The following EVA1A variants were observed in gnomAD, a reference collection of about 807,000 sequenced individuals.
EVA1A encodes the protein protein eva-1 homolog A.
Under a neutral mutation model 9.8 loss-of-function variants are expected in EVA1A, and 7 were observed. The observed-to-expected ratio is 0.71, with a 90% CI of 0.41 to 1.34. The LOEUF is 1.34. Among genes scored for constraint, EVA1A ranks in the 40% most tolerant of loss-of-function variants. The pLI is 0.01. For missense variants in EVA1A, 206 were observed against 205.9 expected, an observed-to-expected ratio of 1.00 and a Z score of 0.00; for synonymous variants, 90 against 85.6, an observed-to-expected ratio of 1.05 and a Z score of -0.28.
At chr2:75,546,907 C>CAAAA (rs751386318) in intron 1 of EVA1A, among the ~76,000 whole-genome samples, 183 of 66,748 alleles carry the variant, frequency 2.7e-3, no homozygotes, top group Non-Finnish European at 4.1e-3. Flanking sequence ...ATCAATAGGC[C>CAAAA]AAAAAAAAAA....
intron 2 of EVA1A, chr2:75,518,659 T>G (rs1675105452): frequency 1.0e-6 from 1 of 987,710 alleles, no homozygotes. Flanking sequence ...GAACTCTTTA[T>G]TTGATTCTCC....
intron 1 of EVA1A, among the ~76,000 whole-genome samples, chr2:75,557,237 G>A (rs768802198): frequency 1.1e-4 from 17 of 152,220 alleles, no homozygotes; most frequent in Non-Finnish European, 1.9e-4. Flanking sequence ...CCAGCGACTA[G>A]CAAGTGGGCT....
At chr2:75,556,683 A>G (rs1317460701) in intron 1 of EVA1A, among the ~76,000 whole-genome samples, 1 of 152,212 alleles carries the variant, frequency 6.6e-6, no homozygotes. Context: ...TTTTGGTTCC[A>G]GGGACCAGTT....
chr2:75,557,091 T>C (rs1440216122), intron 1 of EVA1A, among the ~76,000 whole-genome samples: 2 of 152,176 alleles, frequency 1.3e-5, no homozygotes, highest in African/African-American at 2.4e-5. Flanking sequence ...CTCACCCCAC[T>C]GAAGTTTTGG....
At chr2:75,508,529 T>C (rs1167185835) in intron 3 of EVA1A, among the ~76,000 whole-genome samples, 1 of 152,160 alleles carries the variant, frequency 6.6e-6, no homozygotes, top group African/African-American at 2.4e-5. Context: ...CCCTGTCTCC[T>C]GATAAGATGT....
upstream of EVA1A, among the ~76,000 whole-genome samples, chr2:75,562,980 C>T (rs551767446): frequency 6.9e-4 from 105 of 152,318 alleles, no homozygotes; most frequent in Non-Finnish European, 1.3e-3. Flanking sequence ...CTTGAGCCTA[C>T]TTATTTGCCC....
intron 3 of EVA1A, among the ~76,000 whole-genome samples, chr2:75,501,549 G>A (rs1246261890): frequency 1.3e-5 from 2 of 152,066 alleles, no homozygotes; most frequent in Non-Finnish European, 2.9e-5. Flanking sequence ...GTATGCCCTG[G>A]CAACAAAAAA....
At chr2:75,522,816 C>T (rs1163261960) in intron 1 of EVA1A, among the ~76,000 whole-genome samples, 2 of 152,246 alleles carry the variant, frequency 1.3e-5, no homozygotes, top group East Asian at 3.8e-4. Flanking sequence ...TCTGGCCCCT[C>T]ATCAGTGAAG....
At chr2:75,558,763 T>C (rs1676814075) in intron 1 of EVA1A, 1 of 152,136 alleles carries the variant, frequency 6.6e-6, no homozygotes, top group Non-Finnish European at 1.5e-5. Context: ...TGGCATAAGG[T>C]GAGGCCAGTT....
At chr2:75,510,133 T>A (rs545595880) in intron 3 of EVA1A, among the ~76,000 whole-genome samples, 2 of 152,304 alleles carry the variant, frequency 1.3e-5, no homozygotes, top group South Asian at 4.1e-4. Flanking sequence ...AAGGAGAATG[T>A]GATTATCAGG....
At chr2:75,508,444 T>C (rs1482562404) in intron 3 of EVA1A, among the ~76,000 whole-genome samples, 1 of 152,162 alleles carries the variant, frequency 6.6e-6, no homozygotes, top group Non-Finnish European at 1.5e-5. Context: ...CAGTCTCCTA[T>C]AGCACTCCCA....
At chr2:75,563,383 G>A (rs1400258468), upstream of EVA1A, among the ~76,000 whole-genome samples, 1 of 152,178 alleles carries the variant, frequency 6.6e-6, no homozygotes, top group African/African-American at 2.4e-5. Context: ...TCCTACAGAG[G>A]TAGATTCTAC....
intron 1 of EVA1A, among the ~76,000 whole-genome samples, chr2:75,539,880 AG>A (rs1676049094): frequency 6.6e-6 from 1 of 152,192 alleles, no homozygotes; most frequent in African/African-American, 2.4e-5. Context: ...GAAGGCATAA[AG>A]GTAGGAGGCA....
At chr2:75,517,756 G>T in intron 3 of EVA1A, 1 of 716,870 alleles carries the variant, frequency 1.4e-6, no homozygotes. Context: ...TCCTTGGTCA[G>T]AGTTAATGCA....
chr2:75,519,660 T>C (rs1675166623), intron 2 of EVA1A, among the ~76,000 whole-genome samples: 1 of 152,094 alleles, frequency 6.6e-6, no homozygotes, highest in African/African-American at 2.4e-5. Context: ...TCCTAAAAGG[T>C]GGCAACTGGA....
intron 3 of EVA1A, among the ~76,000 whole-genome samples, chr2:75,511,558 A>C (rs1380597282): frequency 6.6e-6 from 1 of 152,212 alleles, no homozygotes; most frequent in Admixed American, 6.5e-5. Flanking sequence ...CTACCTGTGC[A>C]TGAAATGGAG....
At chr2:75,534,052 T>G (rs1675783318) in intron 1 of EVA1A, among the ~76,000 whole-genome samples, 6 of 151,864 alleles carry the variant, frequency 4.0e-5, no homozygotes, top group Admixed American at 3.9e-4. Flanking sequence ...GACTTCGTGA[T>G]CCTCCCACCT....
chr2:75,554,792 G>A (rs1353728752), intron 1 of EVA1A, among the ~76,000 whole-genome samples: 1 of 152,168 alleles, frequency 6.6e-6, no homozygotes, highest in Non-Finnish European at 1.5e-5. Context: ...CACTTCCCTG[G>A]AGGAAGGATG....
Position 75,555,301 on chromosome 2 carries a change from A to ATCTCTCTCTCTCTCTCTCTCTC in EVA1A, c.-192+5357_-192+5378dup, listed in dbSNP as rs58092436. Among the ~76,000 whole-genome samples, 303 of 57,134 alleles carry ATCTCTCTCTCTCTCTCTCTCTC rather than the reference A, an allele frequency of 5.3e-3. 23 individuals are homozygous for ATCTCTCTCTCTCTCTCTCTCTC. The highest frequency in any genetic ancestry group is 0.012 in the Middle Eastern group (1 of 82). The allele number at this position is 57,134 out of a possible 152,430, so 37.5% of individuals were successfully genotyped here. On this transcript the variant is annotated intron_variant, in intron 1 of 3. Coordinates refer to ENST00000393913, the MANE Select transcript of EVA1A (RefSeq NM_001135032.2). ...AAACAGACTTTAGCATCAAAACTCA[A>ATCTCTCTCTCTCTCTCTCTCTC]TCTCTCTCTCTCTCTCTCTCTCTCT...
Sources: gnomAD v4.1 joint callset for allele counts (sites outside exome capture counted in the v4.1 genomes callset) on GRCh38, gnomAD v4.1.1 for gene constraint, MANE v1.5 for transcripts, NCBI Gene and HGNC (gene_info 2026-07-23, HGNC 2026-07-21) for gene names.